Variants in CABIN1 observed in about 807,000 individuals in gnomAD.
CABIN1 encodes the protein calcineurin-binding protein cabin-1.
In CABIN1, 133 loss-of-function variants were observed where a neutral mutation model predicts 227.7. The observed-to-expected ratio is 0.58, with a 90% CI of 0.51 to 0.67. CABIN1 has a LOEUF of 0.67. Among genes scored for constraint, CABIN1 ranks in the 30% least tolerant of loss-of-function variants. The pLI is 0.00. For synonymous variants in CABIN1, 1,086 were observed against 1,155.1 expected, an observed-to-expected ratio of 0.94 and a Z score of 1.21; for missense variants, 2,408 against 2,852.5, an observed-to-expected ratio of 0.84 and a Z score of 3.55.
At chr22:24,165,923 T>TG (rs2046420109) in intron 31 of CABIN1, among the ~76,000 whole-genome samples, 1 of 152,200 alleles carries the variant, frequency 6.6e-6, no homozygotes, top group Non-Finnish European at 1.5e-5. Context: ...CCAAGCCCTC[T>TG]CCCTGGCAGG....
intron 26 of CABIN1, among the ~76,000 whole-genome samples, chr22:24,100,914 T>C (rs2042165125): frequency 6.6e-6 from 1 of 152,248 alleles, no homozygotes; most frequent in Admixed American, 6.5e-5. Flanking sequence ...GTTCTCCAAG[T>C]CATTGGTGGA....
Position 24,087,434 on chromosome 22 carries a change from C to G in CABIN1, c.3264-18C>G, listed in dbSNP as rs182289504. 3 of 1,612,930 alleles carry G rather than the reference C, an allele frequency of 1.9e-6. No homozygotes were observed. The Admixed American group carries it at 5.0e-5, about 27-fold the overall frequency. ...CATGTAGTGTTGTTTTTAGCTGGTGCTTTTGTTACCACCACAGGTTTGATT... is the reference window on the plus strand; with the variant it reads ...CATGTAGTGTTGTTTTTAGCTGGTGGTTTTGTTACCACCACAGGTTTGATT... On this transcript the variant is annotated intron_variant, in intron 22 of 36. Transcript: ENST00000263119.
At chr22:24,039,720 G>A (rs1277142521) in intron 4 of CABIN1, among the ~76,000 whole-genome samples, 1 of 152,182 alleles carries the variant, frequency 6.6e-6, no homozygotes, top group East Asian at 1.9e-4. Context: ...GCATCTTTCT[G>A]TGCACAGTGT....
At position 24,167,082 on chromosome 22, in the gene CABIN1, GCCAGCC is replaced by G; in HGVS notation, c.5454_5459del (p.Pro1824_Ala1825del). ...AGCCCACCCCGCTCACCCCAGCCCA[GCCAGCC>G]CCCGCCCCCGCCCCCGCCACCACCA... On this transcript the variant is annotated inframe_deletion, in exon 32 of 37. Transcript: ENST00000263119. The G allele has an allele frequency of 7.8e-6, 12 of 1,543,708 alleles. No homozygotes were observed. Among genetic ancestry groups the G allele is most frequent in the Non-Finnish European group, 9.6e-6 (11 of 1,144,338 alleles).
At position 24,043,062 on chromosome 22, in the gene CABIN1, G is replaced by A. The variant is rs1360331651; in HGVS notation, c.504G>A (p.Leu168=). 1 of 1,613,864 alleles carries A rather than the reference G, an allele frequency of 6.2e-7. No individual in the cohort carries two copies. The highest frequency in any genetic ancestry group is 8.5e-7 in the Non-Finnish European group (1 of 1,179,954). Residue 168 remains leucine (L), a synonymous_variant, in exon 6 of 37, where the codon CTG becomes CTA. Transcript: ENST00000263119. ...GTTTGGATAACCTAATCACTGTCCT[G>A]TACACCCTCAGTGATTACACAAGTG... The part of the protein sequence containing the change: ...WPCLDNLITV[L]YTLSDYTTCL...
At chr22:24,092,578 A>G (rs911262662) in intron 24 of CABIN1, among the ~76,000 whole-genome samples, 5 of 152,072 alleles carry the variant, frequency 3.3e-5, no homozygotes, top group African/African-American at 1.2e-4. Flanking sequence ...TTCTGAGGCT[A>G]TGTGCCCAGT....
intron 3 of CABIN1, among the ~76,000 whole-genome samples, chr22:24,037,093 C>G (rs76225544): frequency 6.6e-6 from 1 of 151,986 alleles, no homozygotes; most frequent in Non-Finnish European, 1.5e-5. Flanking sequence ...AACCCCGTCT[C>G]TACTCAAAGT....
At chr22:24,109,620 A>G (rs2042702124) in intron 26 of CABIN1, among the ~76,000 whole-genome samples, 1 of 152,146 alleles carries the variant, frequency 6.6e-6, no homozygotes, top group Non-Finnish European at 1.5e-5. Flanking sequence ...CCAGGCTTTT[A>G]AGGTAGCTGA....
chr22:24,176,388 A>G (rs1231473264), intron 35 of CABIN1, 113 bp downstream of exon 35: 1 of 1,165,210 alleles, frequency 8.6e-7, no homozygotes, highest in Non-Finnish European at 1.2e-6. Flanking sequence ...GGGATGCCCC[A>G]TGGAATGAGA....
intron 29 of CABIN1, among the ~76,000 whole-genome samples, chr22:24,150,596 A>G (rs1360428396): frequency 6.6e-6 from 1 of 152,188 alleles, no homozygotes; most frequent in African/African-American, 2.4e-5. Flanking sequence ...AGCGGACTGC[A>G]TAGCTTAGAG....
intron 16 of CABIN1, among the ~76,000 whole-genome samples, chr22:24,068,033 GGAAA>G (rs1353638983): frequency 6.6e-6 from 1 of 152,122 alleles, no homozygotes; most frequent in Non-Finnish European, 1.5e-5. Context: ...CTTTCAATTT[GGAAA>G]GAGAGTCCAG....
In CABIN1 at chr22:24,076,245, C is replaced by A. The variant is rs775799300; in HGVS notation, c.2709C>A (p.Ser903=). ...CCCACGAGTATTTGGGCAGAAGGTC[C>A]TGGTGCTGCAATTCAGATGGGGCTC... ...NTAHEYLGRR[S]WCCNSDGALL... is the part of the protein sequence containing the mutation. Residue 903 remains serine (S), a synonymous_variant, in exon 19 of 37, where the codon TCC becomes TCA. Transcript: ENST00000263119. The A allele has an allele frequency of 6.2e-7, 1 of 1,614,028 alleles. No homozygotes were observed. The highest frequency in any genetic ancestry group is 1.3e-5 in the African/African-American group (1 of 74,902).
intron 1 of CABIN1, among the ~76,000 whole-genome samples, chr22:24,032,747 C>T (rs1175624444): frequency 6.6e-6 from 1 of 152,058 alleles, no homozygotes; most frequent in Non-Finnish European, 1.5e-5. Context: ...GTCCCAGTGT[C>T]CATTTTGGCA....
Position 24,130,304 on chromosome 22 carries a change from T to C in CABIN1, c.4633-3998T>C, listed in dbSNP as rs974906706. 2.6e-5 allele frequency among the ~76,000 whole-genome samples: 4 copies of C among 152,212 alleles called. No homozygotes were observed. In the East Asian group the frequency reaches 5.8e-4, roughly 22 times the overall value. On this transcript the variant is annotated intron_variant, in intron 28 of 36. Coordinates refer to ENST00000263119, the MANE Select transcript of CABIN1 (RefSeq NM_012295.4). ...AGCACACAGCACATGCCCAGGCGGA[T>C]TTGTAAAGTAACTTGCCCACCTATA...
At chr22:24,077,599 G>C (rs2040531109) in intron 19 of CABIN1, among the ~76,000 whole-genome samples, 1 of 152,132 alleles carries the variant, frequency 6.6e-6, no homozygotes, top group South Asian at 2.1e-4. Context: ...CCCTGGGTCA[G>C]CTCTACTCTC....
Position 24,113,552 on chromosome 22 carries a change from C to T in CABIN1, c.4118-14C>T. On this transcript the variant is annotated splice_polypyrimidine_tract_variant and intron_variant, in intron 26 of 36. Coordinates refer to ENST00000263119, the MANE Select transcript of CABIN1 (RefSeq NM_012295.4). ...GTTAATGCTCTCGCCCTCTCTTCCT[C>T]CTTCTCCCCTCAGACCGAAGCCAGG... is the stretch of plus-strand genomic sequence containing the variant. The T allele has an allele frequency of 6.2e-7, 1 of 1,613,616 alleles. No individual in the cohort carries two copies. The highest frequency in any genetic ancestry group is 8.5e-7 in the Non-Finnish European group (1 of 1,179,746).
chr22:24,093,306 T>A (rs1410915405), intron 24 of CABIN1, among the ~76,000 whole-genome samples: 7 of 152,108 alleles, frequency 4.6e-5, no homozygotes. Flanking sequence ...ATCCCAGCAC[T>A]TTGGGAGGCC....
At chr22:24,038,520 TG>T (rs1021051305) in intron 4 of CABIN1, 59 bp downstream of exon 4, 12 of 1,170,746 alleles carry the variant, frequency 1.0e-5, no homozygotes, top group Non-Finnish European at 1.5e-5. Context: ...GCTGTGGGGC[TG>T]GGTACTCTGG....
intron 26 of CABIN1, among the ~76,000 whole-genome samples, chr22:24,105,225 G>A (rs1032613611): frequency 2.0e-5 from 3 of 152,138 alleles, no homozygotes; most frequent in African/African-American, 7.2e-5. Context: ...CTTTACAGTT[G>A]ATCCTGCAAA....
Sources: gnomAD v4.1 joint callset for allele counts (sites outside exome capture counted in the v4.1 genomes callset) on GRCh38, gnomAD v4.1.1 for gene constraint, MANE v1.5 for transcripts, NCBI Gene and HGNC (gene_info 2026-07-23, HGNC 2026-07-21) for gene names.